Variants in ESRP1 observed in about 807,000 individuals in gnomAD.
ESRP1 encodes the protein RNA-binding motif protein 35A.
In ESRP1, 33 loss-of-function variants were observed where a neutral mutation model predicts 81.7. The observed-to-expected ratio is 0.40, with a 90% confidence interval of 0.31 to 0.54. The LOEUF (loss-of-function observed/expected upper bound fraction) is 0.54, where lower values mean the gene tolerates loss of function less well. Ranked by LOEUF, ESRP1 falls within the 20% of genes least tolerant of loss-of-function variation. The pLI, the probability that ESRP1 is intolerant of heterozygous loss-of-function variation, is 0.41. For missense variants in ESRP1, 672 were observed against 833.1 expected, an observed-to-expected ratio of 0.81 and a Z score of 2.38; for synonymous variants, 320 against 303.3, an observed-to-expected ratio of 1.06 and a Z score of -0.57.
chr8:94,676,878 C>T (rs1036274054), intron 12 of ESRP1, among the ~76,000 whole-genome samples: 7 of 151,568 alleles, frequency 4.6e-5, no homozygotes, highest in East Asian at 2.0e-4. Context: ...ATGAACCGGG[C>T]GCGGTGGCTT....
intron 4 of ESRP1, among the ~76,000 whole-genome samples, chr8:94,655,524 T>A (rs1818363622): frequency 6.6e-6 from 1 of 152,156 alleles, no homozygotes; most frequent in African/African-American, 2.4e-5. Flanking sequence ...TGTATTTTCT[T>A]ATGGTGACAT....
intron 11 of ESRP1, 108 bp downstream of exon 11, chr8:94,671,779 T>TC: frequency 1.5e-6 from 1 of 686,860 alleles, no homozygotes; most frequent in Non-Finnish European, 2.2e-6. Context: ...ATATTAGATA[T>TC]TAGTCTTTGA....
In ESRP1 at chr8:94,664,738, C is replaced by T. The variant is rs541984731; in HGVS notation, c.686C>T (p.Ala229Val). 6.2e-7 allele frequency: 1 copy of T among 1,613,936 alleles called. No individual in the cohort carries two copies. The highest frequency in any genetic ancestry group is 8.5e-7 in the Non-Finnish European group (1 of 1,179,860). The change falls in exon 7 of 16, where the codon GCA (alanine) becomes GTA (valine). Residue 229 changes from alanine (A) to valine (V), a missense_variant. Ala to Val is a moderately conservative substitution (Grantham distance 64). Coordinates refer to ENST00000433389, the MANE Select transcript of ESRP1 (RefSeq NM_017697.4). The part of the protein sequence containing the change: ...ELIDDNTVVR[A>V]RGLPWQSSDQ... ...ATTGATGATAACACCGTAGTCAGGG[C>T]ACGAGGTTTACCATGGCAGTCTTCA...
rs535085752 is a variant in ESRP1, at chr8:94,678,154, T to A, written c.1652-49T>A. ...TATGTTTTTAGTGCTAGCACGTGCA[T>A]GTCAGCTGTTACAAATATGTCTCAA... On this transcript the variant is annotated intron_variant, in intron 12 of 15. Transcript: ENST00000433389. 46 of 1,587,726 alleles carry A rather than the reference T, an allele frequency of 2.9e-5. No homozygotes were observed. The African/African-American group carries it at 3.0e-4, about 10-fold the overall frequency.
chr8:94,684,845 C>T (rs924743497), intron 13 of ESRP1, among the ~76,000 whole-genome samples: 1 of 151,888 alleles, frequency 6.6e-6, no homozygotes, highest in Admixed American at 6.6e-5. Context: ...CGCTGGAGCC[C>T]AGGAGTTCGA....
At chr8:94,698,152 C>T (rs866285902) in intron 15 of ESRP1, among the ~76,000 whole-genome samples, 2 of 152,198 alleles carry the variant, frequency 1.3e-5, no homozygotes, top group Admixed American at 6.5e-5. Flanking sequence ...TGTCCAGTAG[C>T]ATTAAGTGTA....
chr8:94,677,246 A>C (rs1808683962), intron 12 of ESRP1, among the ~76,000 whole-genome samples: 1 of 152,182 alleles, frequency 6.6e-6, no homozygotes. Flanking sequence ...GGAGATTTTT[A>C]TGGGAAAAAG....
At chr8:94,680,691 T>C (rs1808838060) in intron 13 of ESRP1, among the ~76,000 whole-genome samples, 1 of 152,180 alleles carries the variant, frequency 6.6e-6, no homozygotes, top group Non-Finnish European at 1.5e-5. Flanking sequence ...CCTCCCAAAG[T>C]GCTGGGATCA....
At chr8:94,660,325 G>C (rs536330101) in intron 4 of ESRP1, among the ~76,000 whole-genome samples, 1 of 152,144 alleles carries the variant, frequency 6.6e-6, no homozygotes, top group Non-Finnish European at 1.5e-5. Context: ...TAAATTGGCC[G>C]GGGTGGTGAC....
At position 94,706,613 on chromosome 8, in the gene ESRP1, A is replaced by G. The variant is rs926927248; in HGVS notation, c.*724A>G. On this transcript the variant is annotated 3_prime_UTR_variant, in exon 16 of 16. Coordinates refer to ENST00000433389, the MANE Select transcript of ESRP1 (RefSeq NM_017697.4). ...TAATGAATTAGGGGCCAAAATGCAA[A>G]ACGAAAAATGAAGCAGCTACATGTA... The G allele has an allele frequency of 2.6e-5, 4 of 152,674 alleles. No homozygotes were observed. The highest frequency in any genetic ancestry group is 9.6e-5 in the African/African-American group (4 of 41,472). 9.5% of individuals were successfully genotyped at this position (152,674 alleles called of 1,614,324 possible).
chr8:94,703,968 G>A (rs1448732042), intron 15 of ESRP1, among the ~76,000 whole-genome samples: 3 of 152,204 alleles, frequency 2.0e-5, no homozygotes, highest in African/African-American at 7.2e-5. Flanking sequence ...TCTGAATTTA[G>A]TGTCAAAGGA....
chr8:94,673,141 T>C (rs1301949448), intron 11 of ESRP1, among the ~76,000 whole-genome samples: 1 of 152,244 alleles, frequency 6.6e-6, no homozygotes, highest in Non-Finnish European at 1.5e-5. Flanking sequence ...CAACTTGTTA[T>C]CTGACCCTCT....
At chr8:94,704,662 C>G (rs1406725886) in intron 15 of ESRP1, among the ~76,000 whole-genome samples, 1 of 149,546 alleles carries the variant, frequency 6.7e-6, no homozygotes, top group African/African-American at 2.5e-5. Flanking sequence ...TTCAGGAGGC[C>G]GAGGTGGAGG....
At chr8:94,642,862 T>C (rs1026749604) in intron 2 of ESRP1, among the ~76,000 whole-genome samples, 3 of 152,292 alleles carry the variant, frequency 2.0e-5, no homozygotes, top group South Asian at 2.1e-4. Flanking sequence ...CTATCCTTCC[T>C]GGGGTGTATT....
At chr8:94,642,975 C>G (rs1221263661) in intron 2 of ESRP1, among the ~76,000 whole-genome samples, 3 of 152,158 alleles carry the variant, frequency 2.0e-5, no homozygotes, top group Non-Finnish European at 4.4e-5. Context: ...AAAAGTAACA[C>G]TAGGGAATGA....
At chr8:94,677,197 A>G (rs1808681601) in intron 12 of ESRP1, among the ~76,000 whole-genome samples, 1 of 152,200 alleles carries the variant, frequency 6.6e-6, no homozygotes, top group Non-Finnish European at 1.5e-5. Context: ...ATGGAAATGT[A>G]GAAACTCATA....
chr8:94,662,068 C>G lies in ESRP1; in HGVS notation c.491-204C>G, dbSNP rs374847987. Among the ~76,000 whole-genome samples the G allele has an allele frequency of 3.5e-4, 54 of 152,270 alleles. 2 individuals carry two copies. The East Asian group carries it at 9.3e-3, about 26-fold the overall frequency. ...TTGTATTCCTGGTAATATCTCAGCACTGGATTGATTTGCCTCTTTTACCCA... is the reference window on the plus strand; with the variant it reads ...TTGTATTCCTGGTAATATCTCAGCAGTGGATTGATTTGCCTCTTTTACCCA... On this transcript the variant is annotated intron_variant, in intron 4 of 15. Coordinates refer to ENST00000433389, the MANE Select transcript of ESRP1 (RefSeq NM_017697.4).
chr8:94,694,364 T>C (rs988279215), intron 14 of ESRP1, among the ~76,000 whole-genome samples: 3 of 152,140 alleles, frequency 2.0e-5, no homozygotes, highest in African/African-American at 7.2e-5. Flanking sequence ...CCCAGCACTT[T>C]GGGAGACTGA....
chr8:94,646,349 C>A (rs1009736635), intron 4 of ESRP1, 67 bp downstream of exon 4: 3 of 1,087,514 alleles, frequency 2.8e-6, no homozygotes, highest in African/African-American at 1.6e-5. Context: ...ATTCAAGAAA[C>A]TTTCAAACAT....
Sources: allele counts gnomAD v4.1 joint callset (sites outside exome capture counted in the v4.1 genomes callset), GRCh38; gene constraint gnomAD v4.1.1; transcripts MANE v1.5; gene names NCBI Gene and HGNC (gene_info 2026-07-23, HGNC 2026-07-21).